The following TINCR variants were observed in gnomAD, a reference collection of about 807,000 sequenced individuals.
TINCR encodes the protein TINCR ubiquitin domain containing.
chr19:5,567,277 A>G (rs2052135088), intron 1 of TINCR, among the ~76,000 whole-genome samples: 1 of 152,052 alleles, frequency 6.6e-6, no homozygotes, highest in Non-Finnish European at 1.5e-5. Flanking sequence ...GAGAGATGAA[A>G]GAGACAAAGA....
intron 1 of TINCR, 111 bp downstream of exon 1, chr19:5,567,554 G>C (rs1337718500): frequency 2.7e-6 from 1 of 370,814 alleles, no homozygotes; most frequent in East Asian, 4.0e-5. Flanking sequence ...GCGCGAGGTG[G>C]GAAAGCAGTG....
Position 5,565,285 on chromosome 19 carries a change from C to T in TINCR, c.261-2336G>A, listed in dbSNP as rs2052122655. Among the ~76,000 whole-genome samples, 2 of 152,184 alleles carry T rather than the reference C, an allele frequency of 1.3e-5. No individual in the cohort carries two copies. The highest frequency in any genetic ancestry group is 2.4e-5 in the African/African-American group (1 of 41,446). The stretch of plus-strand genomic sequence containing the variant: ...ACCCTTCCCTGACTCTCTGTTTAAC[C>T]ACCTCCTCCACATCATAGCCTGACA... On this transcript the variant is annotated intron_variant, in intron 1 of 1. Coordinates refer to ENST00000646160, the Ensembl canonical transcript of TINCR. The surrounding 1 kb of genome is among the most constrained non-coding windows in gnomAD (Gnocchi z 4.0).
intron 1 of TINCR, among the ~76,000 whole-genome samples, chr19:5,564,292 C>T (rs568423652): frequency 6.6e-6 from 1 of 152,332 alleles, no homozygotes; most frequent in East Asian, 1.9e-4. Flanking sequence ...CATGGGGAAG[C>T]TGAGGCCTCC....
chr19:5,559,667 AG>A (rs1451930693), downstream of TINCR: 28 of 152,232 alleles, frequency 1.8e-4, no homozygotes, highest in African/African-American at 6.8e-4. Flanking sequence ...GGCTCCAAAA[AG>A]ATGTGCACAA....
At chr19:5,564,889 C>T (rs1196804607) in intron 1 of TINCR, among the ~76,000 whole-genome samples, 1 of 151,926 alleles carries the variant, frequency 6.6e-6, no homozygotes, top group African/African-American at 2.4e-5. Flanking sequence ...AAACTGTCTC[C>T]TCTGAAGGCT....
At chr19:5,567,623 G>GCCCCCCCCCCCCCCCCCCCCCCCCC in intron 1 of TINCR, 42 bp downstream of exon 1, 5 of 328,348 alleles carry the variant, frequency 1.5e-5, no homozygotes, top group African/African-American at 2.2e-5. Context: ...GGGGTCCCCG[G>GCCCCCCCCCCCCCCCCCCCCCCCCC]CCGCCGCCCC....
chr19:5,565,548 G>A lies in TINCR; in HGVS notation c.260+2117C>T, dbSNP rs946661684. Among the ~76,000 whole-genome samples, 1 of 152,160 alleles carries A rather than the reference G, an allele frequency of 6.6e-6. No homozygotes were observed. The highest frequency in any genetic ancestry group is 6.5e-5 in the Admixed American group (1 of 15,274). On this transcript the variant is annotated intron_variant, in intron 1 of 1. Transcript: ENST00000646160. This position sits in a 1 kb window ranked among gnomAD's most constrained non-coding sequence, Gnocchi z 4.0. ...TGTACTGCATAATTACAGTCTGGAC[G>A]TCTGAGGGTCGTCCAGCCCCCAGAC...
chr19:5,567,841 C>A (rs1408838195), exon 1 of TINCR: 2 of 393,724 alleles, frequency 5.1e-6, no homozygotes, highest in Non-Finnish European at 9.0e-6. Context: ...GCACGGTCAG[C>A]GGTAGCAGCA....
chr19:5,567,562 G>T (rs2052137531), intron 1 of TINCR, 103 bp downstream of exon 1: 1 of 371,908 alleles, frequency 2.7e-6, no homozygotes, highest in African/African-American at 2.1e-5. Flanking sequence ...TGGGAAAGCA[G>T]TGCCGGCCCG....
Position 5,565,831 on chromosome 19 carries a change from C to G in TINCR, c.260+1834G>C, listed in dbSNP as rs1335764951. Among the ~76,000 whole-genome samples the G allele has an allele frequency of 1.3e-5, 2 of 152,170 alleles. No homozygotes were observed. The highest frequency in any genetic ancestry group is 2.9e-5 in the Non-Finnish European group (2 of 68,028). On this transcript the variant is annotated intron_variant, in intron 1 of 1. Coordinates refer to ENST00000646160, the Ensembl canonical transcript of TINCR. The surrounding 1 kb of genome is among the most constrained non-coding windows in gnomAD (Gnocchi z 4.0). ...CTGGTGAATGTGACCCCCATAAAAT[C>G]CAGGGTAATTCACATGGCCCCCGTC...
Position 5,565,585 on chromosome 19 carries a change from T to C in TINCR, c.260+2080A>G, listed in dbSNP as rs1043373722. Among the ~76,000 whole-genome samples the C allele has an allele frequency of 5.3e-5, 8 of 152,102 alleles. No homozygotes were observed. Among genetic ancestry groups the C allele is most frequent in the South Asian group, 2.1e-4 (1 of 4,814 alleles). On this transcript the variant is annotated intron_variant, in intron 1 of 1. Transcript: ENST00000646160. This position sits in a 1 kb window ranked among gnomAD's most constrained non-coding sequence, Gnocchi z 4.0. ...TCCAGCCCCCAGACCTCATAGAAGG[T>C]ACGCTGCCGAGAACACCCTCTCCTA...
At chr19:5,564,039 C>T (rs1041590607) in intron 1 of TINCR, among the ~76,000 whole-genome samples, 3 of 152,198 alleles carry the variant, frequency 2.0e-5, no homozygotes, top group African/African-American at 7.2e-5. Context: ...CCTGCTAGCT[C>T]CCGTGACAAC....
rs769370411 is a variant in TINCR at position 5,563,975 on chromosome 19, C to G, written c.261-1026G>C. Among the ~76,000 whole-genome samples, 5 of 152,236 alleles carry G rather than the reference C, an allele frequency of 3.3e-5. 1 individual carries two copies. The highest frequency in any genetic ancestry group is 2.0e-4 in the Admixed American group (3 of 15,282). ...TCGCCAGGGGACAGCGGTAAGGCCA[C>G]GTGAAAAGCCCCTAGCATCTCAAAG... On this transcript the variant is annotated intron_variant, in intron 1 of 1. Coordinates refer to ENST00000646160, the Ensembl canonical transcript of TINCR. The surrounding 1 kb of genome is among the most constrained non-coding windows in gnomAD (Gnocchi z 4.7).
Position 5,565,331 on chromosome 19 carries a change from G to A in TINCR, c.260+2334C>T, listed in dbSNP as rs780945442. 1.2e-4 allele frequency among the ~76,000 whole-genome samples: 18 copies of A among 151,982 alleles called. No homozygotes were observed. The highest frequency in any genetic ancestry group is 2.4e-4 in the African/African-American group (10 of 41,376). On this transcript the variant is annotated intron_variant, in intron 1 of 1. Transcript: ENST00000646160. This position sits in a 1 kb window ranked among gnomAD's most constrained non-coding sequence, Gnocchi z 4.0. ...TGACATGTCACCTTTCCGGAGAGGCGTCCCCCAGTCACTGATCCCTCTCCA... is the reference window on the plus strand; with the variant it reads ...TGACATGTCACCTTTCCGGAGAGGCATCCCCCAGTCACTGATCCCTCTCCA...
chr19:5,558,283 G>A (rs1356805748), downstream of TINCR: 1 of 152,250 alleles, frequency 6.6e-6, no homozygotes, highest in African/African-American at 2.4e-5. Flanking sequence ...GCTGGGAGGA[G>A]ACACAGACCT....
intron 1 of TINCR, among the ~76,000 whole-genome samples, chr19:5,564,987 G>A (rs750326962): frequency 2.2e-4 from 33 of 151,842 alleles, no homozygotes; most frequent in Non-Finnish European, 4.3e-4. Flanking sequence ...TGTTCTCCCC[G>A]CTGCAGCCAG....
intron 1 of TINCR, among the ~76,000 whole-genome samples, chr19:5,564,048 A>G (rs1324317146): frequency 3.3e-5 from 5 of 152,148 alleles, no homozygotes; most frequent in Non-Finnish European, 5.9e-5. Flanking sequence ...TCCCGTGACA[A>G]CCTGTCTCCC....
chr19:5,566,150 G>A (rs1568193792), intron 1 of TINCR, among the ~76,000 whole-genome samples: 2 of 152,194 alleles, frequency 1.3e-5, no homozygotes, highest in African/African-American at 4.8e-5. Context: ...GGTAGGGAGA[G>A]ACCAGAGAAG....
At chr19:5,558,751 G>C (rs1165178089), downstream of TINCR, 1 of 152,252 alleles carries the variant, frequency 6.6e-6, no homozygotes. Flanking sequence ...CATTCAGTGG[G>C]GGCTGCTTTC....
Sources: allele counts gnomAD v4.1 joint callset (sites outside exome capture counted in the v4.1 genomes callset), GRCh38; gene constraint gnomAD v4.1.1; non-coding constraint Gnocchi (gnomAD v3.1); transcripts MANE v1.5; gene names NCBI Gene and HGNC (gene_info 2026-07-23, HGNC 2026-07-21).